Variants in ARHGEF10L observed in about 807,000 individuals in gnomAD.
ARHGEF10L encodes Rho guanine nucleotide exchange factor 10 like.
In ARHGEF10L, 69 loss-of-function variants were observed where a neutral mutation model predicts 141.2. The ratio of observed to expected loss-of-function variants is 0.49; its 90% CI spans 0.40 to 0.60. The LOEUF (loss-of-function observed/expected upper bound fraction) is 0.60, where lower values mean the gene tolerates loss of function less well. ARHGEF10L is among the 20% of genes least tolerant of loss of function. The pLI, the probability that ARHGEF10L is intolerant of heterozygous loss-of-function variation, is 0.00. For missense variants in ARHGEF10L, 1,482 were observed against 1,734.3 expected (o/e 0.85, Z 2.58); for synonymous variants, 711 against 718.5 (o/e 0.99, Z 0.17).
chr1:17,519,255 T>C, the ARHGEF10L span, among the ~76,000 whole-genome samples: 10 of 150,836 alleles, frequency 6.6e-5, no homozygotes, highest in Middle Eastern at 3.5e-3. Context: ...CCCTACACAG[T>C]CTCATTTAAT....
At position 17,637,950 on chromosome 1, in the gene ARHGEF10L, G is replaced by C. The variant is rs1266615430; in HGVS notation, c.1990G>C (p.Ala664Pro). The change falls in exon 19 of 29, where the codon GCC (alanine) becomes CCC (proline). Residue 664 changes from alanine (A) to proline (P), a missense_variant. By Grantham distance (27) the Ala-to-Pro change is conservative. Around this residue, in one of 3 missense-constraint regions of ARHGEF10L, gnomAD observed 858 missense variants for 966.3 expected, o/e 0.89. Transcript: ENST00000361221. Reference sequence around the variant, plus strand: ...GCTGCAGGACCTGCAGAAGGACCTGGCCGTGGTGGAGCAGATCACGCTTCT... The same window carrying C: ...GCTGCAGGACCTGCAGAAGGACCTGCCCGTGGTGGAGCAGATCACGCTTCT... Reference protein sequence around the residue: ...QELQDLQKDLAVVEQITLLIS... With the variant: ...QELQDLQKDLPVVEQITLLIS... 6 of 1,601,536 alleles carry C rather than the reference G, an allele frequency of 3.7e-6. No individual in the cohort carries two copies. The highest frequency in any genetic ancestry group is 8.5e-7 in the Non-Finnish European group (1 of 1,174,240).
At chr1:17,665,951 C>T (rs1053684187) in intron 26 of ARHGEF10L, among the ~76,000 whole-genome samples, 7 of 152,138 alleles carry the variant, frequency 4.6e-5, no homozygotes, top group African/African-American at 1.7e-4. Context: ...AGTTCAAAAG[C>T]TGGGAGACCT....
chr1:17,631,116 G>T (rs1211777537), intron 15 of ARHGEF10L, among the ~76,000 whole-genome samples: 1 of 150,598 alleles, frequency 6.6e-6, no homozygotes, highest in Non-Finnish European at 1.5e-5. Flanking sequence ...TCTCTTTGGG[G>T]AGGCTCAGGG....
intron 18 of ARHGEF10L, among the ~76,000 whole-genome samples, chr1:17,636,818 C>A (rs1282153807): frequency 6.6e-6 from 1 of 152,160 alleles, no homozygotes; most frequent in Non-Finnish European, 1.5e-5. Context: ...TTCCCCTCCA[C>A]TCCCCTGGGG....
intron 7 of ARHGEF10L, among the ~76,000 whole-genome samples, chr1:17,611,343 A>G (rs1054384572): frequency 1.3e-5 from 2 of 152,232 alleles, no homozygotes; most frequent in African/African-American, 2.4e-5. Flanking sequence ...ACTTCTTTGC[A>G]TAACAATATT....
chr1:17,627,340 A>G lies in ARHGEF10L; in HGVS notation c.1421A>G (p.Lys474Arg), dbSNP rs1168396050. Reference protein sequence around the residue: ...QFILLLQDMLKNTPRGHPDRL... With the variant: ...QFILLLQDMLRNTPRGHPDRL... ...GCTCTGACCTGGCAGGACATGCTGA[A>G]GAACACCCCCAGGGGCCATCCGGAC... The change falls in exon 15 of 29, where the codon AAG becomes AGG. Residue 474 changes from lysine (K) to arginine (R), a missense_variant. This residue lies in a region of ARHGEF10L where 392 missense variants were observed against 542.1 expected (regional missense o/e 0.72). Transcript: ENST00000361221. The surrounding 1 kb of genome is among the most constrained non-coding windows in gnomAD (Gnocchi z 4.0). The G allele has an allele frequency of 6.2e-7, 1 of 1,613,730 alleles. No individual in the cohort carries two copies. Among genetic ancestry groups the G allele is most frequent in the African/African-American group, 1.3e-5 (1 of 74,942 alleles).
intron 27 of ARHGEF10L, chr1:17,691,156 C>A (rs1327996424): frequency 2.2e-6 from 1 of 455,708 alleles, no homozygotes; most frequent in African/African-American, 2.0e-5. Flanking sequence ...AGAGCCTGAG[C>A]TTTTTAAAGT....
In ARHGEF10L at chr1:17,625,838, A is replaced by G. The variant is rs2101575634; in HGVS notation, c.1318-118A>G. 3 of 811,714 alleles carry G rather than the reference A, an allele frequency of 3.7e-6. No individual in the cohort carries two copies. The allele number at this position is 811,714 out of a possible 1,614,324, so 50.3% of individuals were successfully genotyped here. ...CTCAGCTCTTCTTGCAAGCCCAGGG[A>G]TAGGCAGGGTCTTAGGGCCTGGGGA... On this transcript the variant is annotated intron_variant, in intron 13 of 28. Transcript: ENST00000361221. The surrounding 1 kb of genome is among the most constrained non-coding windows in gnomAD (Gnocchi z 4.5).
At chr1:17,689,449 T>C (rs200536415) in intron 27 of ARHGEF10L, among the ~76,000 whole-genome samples, 8 of 97,734 alleles carry the variant, frequency 8.2e-5, no homozygotes, top group African/African-American at 2.1e-4. Flanking sequence ...GGTTGCCTCC[T>C]TCCCCCTCTC....
At chr1:17,523,475 C>A in the ARHGEF10L span, among the ~76,000 whole-genome samples, 2 of 152,186 alleles carry the variant, frequency 1.3e-5, no homozygotes, top group Non-Finnish European at 2.9e-5. Flanking sequence ...TCATTGAGCC[C>A]TCCTGGCAAC....
In ARHGEF10L at chr1:17,622,991, G is replaced by T; in HGVS notation, c.1021-5G>T. The T allele has an allele frequency of 6.2e-7, 1 of 1,610,190 alleles. No homozygotes were observed. Among genetic ancestry groups the T allele is most frequent in the Non-Finnish European group, 8.5e-7 (1 of 1,178,976 alleles). On this transcript the variant is annotated splice_polypyrimidine_tract_variant and splice_region_variant and intron_variant, in intron 11 of 28. Coordinates refer to ENST00000361221, the MANE Select transcript of ARHGEF10L (RefSeq NM_018125.4). Reference sequence around the variant, plus strand: ...CCTGCGGCCTCACCCCGCCCTCCCCGGCAGGACTACCGCAACCCCCTGATG... The same window carrying T: ...CCTGCGGCCTCACCCCGCCCTCCCCTGCAGGACTACCGCAACCCCCTGATG...
intron 4 of ARHGEF10L, among the ~76,000 whole-genome samples, chr1:17,600,692 T>C (rs962320262): frequency 1.3e-5 from 2 of 152,206 alleles, no homozygotes; most frequent in Non-Finnish European, 2.9e-5. Context: ...GTCATGTCTC[T>C]GTAGCCTGCT....
rs542278747 is a variant in ARHGEF10L, at chr1:17,607,170, A to G, written c.434-632A>G. Among the ~76,000 whole-genome samples the G allele has an allele frequency of 6.6e-6, 1 of 152,128 alleles. No individual in the cohort carries two copies. The highest frequency in any genetic ancestry group is 1.5e-5 in the Non-Finnish European group (1 of 68,010). ...TCCGGGTCTTCTCTTTTCCAGTAAG[A>G]AACAGGCCACGTGTGGTGGCTCGGC... On this transcript the variant is annotated intron_variant, in intron 6 of 28. Transcript: ENST00000361221. The surrounding 1 kb of genome is among the most constrained non-coding windows in gnomAD (Gnocchi z 4.5).
intron 26 of ARHGEF10L, among the ~76,000 whole-genome samples, chr1:17,677,332 C>T (rs1388429122): frequency 2.6e-5 from 4 of 152,008 alleles, no homozygotes; most frequent in African/African-American, 9.7e-5. Flanking sequence ...TTTCTTCTGC[C>T]TTACCTCTGT....
the ARHGEF10L span, among the ~76,000 whole-genome samples, chr1:17,514,546 A>G: frequency 6.6e-6 from 1 of 152,170 alleles, no homozygotes; most frequent in Admixed American, 6.5e-5. Flanking sequence ...GGAGTGGAAC[A>G]TGCTTCTCAG....
At chr1:17,586,629 C>A (rs112356556) in intron 2 of ARHGEF10L, among the ~76,000 whole-genome samples, 1,917 of 152,292 alleles carry the variant, frequency 0.013, 42 homozygotes, top group African/African-American at 0.044. Flanking sequence ...ACAAAAGCCG[C>A]TGAGCTCCTG....
intron 4 of ARHGEF10L, among the ~76,000 whole-genome samples, chr1:17,594,593 C>T (rs534031867): frequency 6.6e-6 from 1 of 152,308 alleles, no homozygotes; most frequent in South Asian, 2.1e-4. Flanking sequence ...AGTGATTCTT[C>T]TGCCTCGGCC....
chr1:17,563,037 G>C (rs1271353761), intron 1 of ARHGEF10L, among the ~76,000 whole-genome samples: 1 of 152,156 alleles, frequency 6.6e-6, no homozygotes, highest in Non-Finnish European at 1.5e-5. Flanking sequence ...TCGAGGATGA[G>C]GGGAGGGCTG....
intron 1 of ARHGEF10L, among the ~76,000 whole-genome samples, chr1:17,571,107 A>G (rs1052961625): frequency 3.3e-5 from 5 of 152,260 alleles, no homozygotes; most frequent in Admixed American, 3.3e-4. Flanking sequence ...GCCATGGCTT[A>G]GGACCCACGA....
Sources: allele counts gnomAD v4.1 joint callset (sites outside exome capture counted in the v4.1 genomes callset), GRCh38; gene constraint gnomAD v4.1.1; regional missense constraint gnomAD v4.1.1; non-coding constraint Gnocchi (gnomAD v3.1); transcripts MANE v1.5; gene names NCBI Gene and HGNC (gene_info 2026-07-23, HGNC 2026-07-21).